ATP13A5: variants seen among roughly 807,000 people sequenced by gnomAD.
The protein encoded by ATP13A5 is probable cation-transporting ATPase 13A5.
In ATP13A5, 149 loss-of-function variants were observed where a neutral mutation model predicts 150.2. The observed-to-expected ratio is 0.99, with a 90% CI of 0.87 to 1.14. The LOEUF (loss-of-function observed/expected upper bound fraction) is 1.14, where lower values mean the gene tolerates loss of function less well. ATP13A5 is among the 50% of genes most tolerant of loss of function. The probability of loss-of-function intolerance (pLI) is 0.00; values close to 1 mark genes in which losing one functional copy is unlikely to be tolerated. For missense variants in ATP13A5, 1,383 were observed against 1,449.3 expected (o/e 0.95, Z 0.74); for synonymous variants, 497 against 522.2 (o/e 0.95, Z 0.66).
At chr3:193,325,871 C>T (rs1208511717) in intron 13 of ATP13A5, among the ~76,000 whole-genome samples, 1 of 152,164 alleles carries the variant, frequency 6.6e-6, no homozygotes, top group Non-Finnish European at 1.5e-5. Flanking sequence ...GTACCAGAGA[C>T]AAGGGAGGAA....
At chr3:193,303,804 T>C (rs1442142521) in intron 23 of ATP13A5, among the ~76,000 whole-genome samples, 1 of 151,530 alleles carries the variant, frequency 6.6e-6, no homozygotes, top group South Asian at 2.1e-4. Context: ...TATATAAATA[T>C]ATATACACAC....
chr3:193,342,871 C>T (rs1334062843), intron 9 of ATP13A5, among the ~76,000 whole-genome samples: 3 of 152,142 alleles, frequency 2.0e-5, no homozygotes, highest in African/African-American at 7.2e-5. Context: ...TTTCCTTGGG[C>T]TTGAGGTTTA....
At chr3:193,284,765 C>A in intron 27 of ATP13A5, 149 bp downstream of exon 27, 3 of 658,460 alleles carry the variant, frequency 4.6e-6, no homozygotes, top group South Asian at 4.7e-5. Context: ...GTGGGCTCTA[C>A]CAACGATGAC....
chr3:193,297,922 C>T (rs1446412724), intron 25 of ATP13A5, among the ~76,000 whole-genome samples: 1 of 152,126 alleles, frequency 6.6e-6, no homozygotes, highest in Non-Finnish European at 1.5e-5. Context: ...ACTGGTCTAT[C>T]TGTACACATT....
At chr3:193,336,945 G>A (rs1250981283) in intron 9 of ATP13A5, among the ~76,000 whole-genome samples, 3 of 152,144 alleles carry the variant, frequency 2.0e-5, no homozygotes, top group African/African-American at 4.8e-5. Context: ...GGTGTGAGAT[G>A]GTGTCTCATT....
Position 193,324,957 on chromosome 3 carries a change from A to T in ATP13A5, c.1581T>A (p.Cys527Ter). 6.2e-7 allele frequency: 1 copy of T among 1,613,916 alleles called. No individual in the cohort carries two copies. The highest frequency in any genetic ancestry group is 8.5e-7 in the Non-Finnish European group (1 of 1,179,926). Residue 527 changes from cysteine to a stop codon, truncating the protein, a stop_gained, in exon 14 of 30, where the codon TGT becomes TGA. Transcript: ENST00000342358. LOFTEE classifies it high-confidence loss of function. The part of the protein sequence containing the change: ...SGQAVPWSPL[C>*]AAMASCHSLI... ...GAGAGTGGCAGCTGGCCATGGCCGC[A>T]CACAGTGGGCTCCATGGCACAGCCT... is the stretch of plus-strand genomic sequence containing the variant.
rs1266346247 is a variant in ATP13A5, at chr3:193,274,832, G to A, written c.*210C>T. The stretch of plus-strand genomic sequence containing the variant: ...CAGTTTATTGAAAAGGATGATACAG[G>A]AAATGCATTTTTTTCTCTCATTGGT... On this transcript the variant is annotated 3_prime_UTR_variant, in exon 30 of 30. Transcript: ENST00000342358. 2 of 637,312 alleles carry A rather than the reference G, an allele frequency of 3.1e-6. No homozygotes were observed. The highest frequency in any genetic ancestry group is 3.1e-5 in the Admixed American group (1 of 32,248). 39.5% of individuals were successfully genotyped at this position (637,312 alleles called of 1,614,324 possible).
chr3:193,355,122 G>A (rs9854431), intron 5 of ATP13A5, among the ~76,000 whole-genome samples: 1,852 of 151,400 alleles, frequency 0.012, 39 homozygotes, highest in African/African-American at 0.043. Flanking sequence ...AGTACAGACG[G>A]GGTTTCTCCA....
At chr3:193,377,059 C>T (rs1713669842) in intron 1 of ATP13A5, among the ~76,000 whole-genome samples, 1 of 152,178 alleles carries the variant, frequency 6.6e-6, no homozygotes, top group Non-Finnish European at 1.5e-5. Context: ...ATTATTTAAT[C>T]CTATGATACC....
At chr3:193,339,312 TTTAA>T (rs1386984905) in intron 9 of ATP13A5, among the ~76,000 whole-genome samples, 1 of 152,204 alleles carries the variant, frequency 6.6e-6, no homozygotes, top group African/African-American at 2.4e-5. Context: ...CTGTAGTTCT[TTTAA>T]TTGTGATGTT....
intron 27 of ATP13A5, chr3:193,281,150 G>A (rs1333267101): frequency 4.1e-6 from 4 of 983,940 alleles, no homozygotes; most frequent in Non-Finnish European, 4.8e-6. Flanking sequence ...TTGGTGATAC[G>A]ATTTCAGGAA....
chr3:193,375,821 G>C (rs531714624), intron 1 of ATP13A5, among the ~76,000 whole-genome samples: 1 of 152,086 alleles, frequency 6.6e-6, no homozygotes, highest in African/African-American at 2.4e-5. Context: ...GCAGAATCAC[G>C]CAAGACTGAG....
chr3:193,307,116 T>G, intron 22 of ATP13A5: 1 of 1,395,448 alleles, frequency 7.2e-7, no homozygotes. Context: ...GTGTTTATTA[T>G]TCTAGGAGTT....
At chr3:193,319,428 G>A (rs1719177623) in intron 16 of ATP13A5, among the ~76,000 whole-genome samples, 1 of 152,206 alleles carries the variant, frequency 6.6e-6, no homozygotes, top group Non-Finnish European at 1.5e-5. Flanking sequence ...ATTAGGTTAT[G>A]AGGGTGGAGC....
chr3:193,352,242 T>C (rs879628019), intron 6 of ATP13A5, among the ~76,000 whole-genome samples: 6 of 152,228 alleles, frequency 3.9e-5, no homozygotes, highest in Non-Finnish European at 8.8e-5. Flanking sequence ...TAAAAAAGAT[T>C]TTGTTCCTTA....
At chr3:193,283,326 A>G (rs530101136) in intron 27 of ATP13A5, among the ~76,000 whole-genome samples, 1 of 152,306 alleles carries the variant, frequency 6.6e-6, no homozygotes, top group East Asian at 1.9e-4. Flanking sequence ...CTATTTCATA[A>G]TTAGAAAAAA....
intron 9 of ATP13A5, among the ~76,000 whole-genome samples, chr3:193,337,130 G>A (rs529844799): frequency 6.4e-4 from 98 of 152,256 alleles, no homozygotes; most frequent in African/African-American, 2.2e-3. Context: ...GTAGATTCTG[G>A]ATATTAGCCC....
chr3:193,287,001 T>C (rs892963114), intron 26 of ATP13A5, among the ~76,000 whole-genome samples: 5 of 152,136 alleles, frequency 3.3e-5, no homozygotes, highest in African/African-American at 1.2e-4. Context: ...GTCTGGGTAG[T>C]GGATCAAACC....
intron 8 of ATP13A5, 108 bp from the exon 9 acceptor site, chr3:193,344,163 C>A: frequency 1.5e-6 from 2 of 1,356,370 alleles, no homozygotes; most frequent in Non-Finnish European, 2.0e-6. Flanking sequence ...GCTACCCTAC[C>A]TGTTCAACTG....
Sources: allele counts gnomAD v4.1 joint callset (sites outside exome capture counted in the v4.1 genomes callset), GRCh38; gene constraint gnomAD v4.1.1; transcripts MANE v1.5; gene names NCBI Gene and HGNC (gene_info 2026-07-23, HGNC 2026-07-21).